Variants in TLE4 observed in about 807,000 individuals in gnomAD.
TLE4 encodes the protein transducin-like enhancer protein 4.
Under a neutral mutation model 92.8 loss-of-function variants are expected in TLE4, and 8 were observed. The ratio of observed to expected loss-of-function variants is 0.09; its 90% confidence interval spans 0.05 to 0.16. TLE4 has a LOEUF of 0.16. TLE4 is among the 10% of genes least tolerant of loss of function. The pLI, the probability that TLE4 is intolerant of heterozygous loss-of-function variation, is 1.00. For synonymous variants in TLE4, 371 were observed against 374.1 expected (o/e 0.99, Z 0.10); for missense variants, 675 against 997.6 (o/e 0.68, Z 4.36).
chr9:79,619,157 G>A (rs1486825420), intron 5 of TLE4, among the ~76,000 whole-genome samples: 1 of 152,120 alleles, frequency 6.6e-6, no homozygotes, highest in Non-Finnish European at 1.5e-5. Context: ...GATAATATGA[G>A]TTTATTTGAA....
In TLE4 at chr9:79,684,946, G is replaced by C. The variant is rs986718374; in HGVS notation, c.610-19837G>C. On this transcript the variant is annotated intron_variant, in intron 8 of 19. Transcript: ENST00000376552. ...TAACACAGTAGTTTTAGAGGTAAAGGAAAGTCTGCCCAAGTGGTGACTGGC... is the reference window on the plus strand; with the variant it reads ...TAACACAGTAGTTTTAGAGGTAAAGCAAAGTCTGCCCAAGTGGTGACTGGC... 2.0e-5 allele frequency among the ~76,000 whole-genome samples: 3 copies of C among 152,320 alleles called. No homozygotes were observed. The South Asian group carries it at 6.2e-4, about 32-fold the overall frequency.
intron 8 of TLE4, among the ~76,000 whole-genome samples, chr9:79,682,048 T>C (rs2064813546): frequency 6.6e-6 from 1 of 152,078 alleles, no homozygotes; most frequent in Non-Finnish European, 1.5e-5. Flanking sequence ...AGAGGGCCAC[T>C]CAGATTCAGC....
At chr9:79,689,156 C>A (rs1159928069) in intron 8 of TLE4, among the ~76,000 whole-genome samples, 3 of 151,978 alleles carry the variant, frequency 2.0e-5, no homozygotes, top group African/African-American at 7.3e-5. Context: ...ATTCAGACTG[C>A]AAAACCAAGG....
intron 8 of TLE4, among the ~76,000 whole-genome samples, chr9:79,654,771 GA>G (rs2134265119): frequency 6.6e-6 from 1 of 152,236 alleles, no homozygotes; most frequent in Admixed American, 6.5e-5. Flanking sequence ...AAGCAAACAA[GA>G]AAAATAGGCT....
intron 5 of TLE4, among the ~76,000 whole-genome samples, chr9:79,616,698 G>A (rs1422656712): frequency 6.6e-6 from 1 of 152,130 alleles, no homozygotes; most frequent in Non-Finnish European, 1.5e-5. Context: ...TAAAACTGAG[G>A]ATTGCCAATA....
intron 4 of TLE4, among the ~76,000 whole-genome samples, chr9:79,577,894 A>G (rs573349797): frequency 2.7e-4 from 41 of 152,308 alleles, no homozygotes; most frequent in Non-Finnish European, 2.4e-4. Context: ...TTAATTTTAC[A>G]CATTTTATAC....
At chr9:79,630,771 A>G (rs1214346835) in intron 6 of TLE4, among the ~76,000 whole-genome samples, 1 of 152,210 alleles carries the variant, frequency 6.6e-6, no homozygotes, top group African/African-American at 2.4e-5. Context: ...ATTACACTAT[A>G]TAATCAGTAC....
At position 79,720,377 on chromosome 9, in the gene TLE4, G is replaced by GGGGGGT. The variant is rs1263740198; in HGVS notation, c.1838+85_1838+86insGGGGTG. 209 of 316,586 alleles carry GGGGGGT rather than the reference G, an allele frequency of 6.6e-4. 4 individuals are homozygous for GGGGGGT. The highest frequency in any genetic ancestry group is 5.4e-3 in the Admixed American group (56 of 10,446). The allele number at this position is 316,586 out of a possible 1,614,324, so 19.6% of individuals were successfully genotyped here. ...CCAAAGTGCTGTGTATATAGGTATG[G>GGGGGGT]GTGTGTGTGTGTGTGTGTGTGTGTG... is the stretch of plus-strand genomic sequence containing the variant. On this transcript the variant is annotated intron_variant, in intron 16 of 19. Transcript: ENST00000376552.
In TLE4 at chr9:79,722,681, A is replaced by G. The variant is rs543053112; in HGVS notation, c.2137+80A>G. ...TCCTGTGTTTTTATTTCCAAGTCGA[A>G]TCCTTGAGTTCATTACCATGCCCCT... On this transcript the variant is annotated intron_variant, in intron 18 of 19. Coordinates refer to ENST00000376552, the MANE Select transcript of TLE4 (RefSeq NM_007005.6). 3.3e-6 allele frequency: 5 copies of G among 1,534,916 alleles called. No individual in the cohort carries two copies. The South Asian group carries it at 6.1e-5, about 19-fold the overall frequency.
chr9:79,720,331 A>C, intron 16 of TLE4, 38 bp downstream of exon 16: 1 of 1,579,934 alleles, frequency 6.3e-7, no homozygotes, highest in Non-Finnish European at 8.6e-7. Flanking sequence ...TGTGAGGAGG[A>C]GCCGATTTTA....
At chr9:79,654,939 C>T (rs1007389645) in intron 8 of TLE4, among the ~76,000 whole-genome samples, 2 of 152,228 alleles carry the variant, frequency 1.3e-5, no homozygotes, top group East Asian at 3.9e-4. Flanking sequence ...GTCAAGAGAT[C>T]GAGACCATCC....
At chr9:79,678,063 C>T (rs955358368) in intron 8 of TLE4, among the ~76,000 whole-genome samples, 2 of 152,046 alleles carry the variant, frequency 1.3e-5, no homozygotes, top group Non-Finnish European at 2.9e-5. Context: ...CTGTTTTATA[C>T]GTATGCAGTC....
intron 4 of TLE4, among the ~76,000 whole-genome samples, chr9:79,612,421 T>TG (rs1364756202): frequency 6.6e-6 from 1 of 152,118 alleles, no homozygotes; most frequent in African/African-American, 2.4e-5. Context: ...ATTGCCCTGA[T>TG]GCTTGAAGGT....
At chr9:79,586,094 C>G (rs998528349) in intron 4 of TLE4, among the ~76,000 whole-genome samples, 1 of 141,508 alleles carries the variant, frequency 7.1e-6, no homozygotes, top group African/African-American at 2.6e-5. Flanking sequence ...AAAACTTAGG[C>G]TGGGCACGTG....
chr9:79,630,945 C>T (rs188755194), intron 6 of TLE4, among the ~76,000 whole-genome samples: 32 of 152,156 alleles, frequency 2.1e-4, no homozygotes, highest in African/African-American at 7.7e-4. Flanking sequence ...CCTTTGGAAA[C>T]CCCCTAACCC....
intron 4 of TLE4, among the ~76,000 whole-genome samples, chr9:79,592,621 A>G (rs2042990841): frequency 6.6e-6 from 1 of 151,982 alleles, no homozygotes; most frequent in Non-Finnish European, 1.5e-5. Flanking sequence ...TACTGCCATT[A>G]CCTTTATATA....
intron 5 of TLE4, among the ~76,000 whole-genome samples, chr9:79,619,851 T>A (rs2050535104): frequency 6.6e-6 from 1 of 152,192 alleles, no homozygotes. Flanking sequence ...AACTTTTCAT[T>A]TAAAAAATAT....
At chr9:79,629,609 A>G (rs2053644736) in intron 6 of TLE4, among the ~76,000 whole-genome samples, 1 of 152,196 alleles carries the variant, frequency 6.6e-6, no homozygotes, top group Non-Finnish European at 1.5e-5. Context: ...ACTTGGATAT[A>G]GTTGGATATA....
chr9:79,653,454 G>A (rs981537828), intron 7 of TLE4, among the ~76,000 whole-genome samples: 1 of 152,342 alleles, frequency 6.6e-6, no homozygotes, highest in Non-Finnish European at 1.5e-5. Flanking sequence ...CACTAAGGTA[G>A]ATGATGGTGC....
Sources: gnomAD v4.1 joint callset for allele counts (sites outside exome capture counted in the v4.1 genomes callset) on GRCh38, gnomAD v4.1.1 for gene constraint, MANE v1.5 for transcripts, NCBI Gene and HGNC (gene_info 2026-07-23, HGNC 2026-07-21) for gene names.